Variants in TAMM41 observed in about 807,000 individuals in gnomAD.
The protein encoded by TAMM41 is phosphatidate cytidylyltransferase, mitochondrial.
Under a neutral mutation model 44.1 loss-of-function variants are expected in TAMM41, and 36 were observed. The observed-to-expected ratio is 0.82, with a 90% CI of 0.63 to 1.08. The LOEUF (loss-of-function observed/expected upper bound fraction) is 1.08, where lower values mean the gene tolerates loss of function less well. TAMM41 is among the 50% of genes least tolerant of loss of function. The pLI is 0.00. For missense variants in TAMM41, 417 were observed against 404.3 expected, an observed-to-expected ratio of 1.03 and a Z score of -0.27; for synonymous variants, 164 against 153.1, an observed-to-expected ratio of 1.07 and a Z score of -0.53.
chr3:11,774,024 G>A, the TAMM41 span, among the ~76,000 whole-genome samples: 2 of 152,138 alleles, frequency 1.3e-5, no homozygotes, highest in African/African-American at 4.8e-5. Flanking sequence ...GGAAGGAGAG[G>A]TTGCAGTGAG....
chr3:11,759,029 G>A, the TAMM41 span, among the ~76,000 whole-genome samples: 1 of 151,970 alleles, frequency 6.6e-6, no homozygotes, highest in African/African-American at 2.4e-5. Context: ...ATTAATTATT[G>A]CTCTTAAATA....
At chr3:11,779,758 G>A in the TAMM41 span, among the ~76,000 whole-genome samples, 1 of 152,114 alleles carries the variant, frequency 6.6e-6, no homozygotes, top group Admixed American at 6.5e-5. Flanking sequence ...CTCCAGACCT[G>A]GGGAGCCAAC....
At chr3:11,734,046 G>A in the TAMM41 span, among the ~76,000 whole-genome samples, 1 of 152,250 alleles carries the variant, frequency 6.6e-6, no homozygotes, top group East Asian at 1.9e-4. Flanking sequence ...TATTCCATTG[G>A]TGAGAACCAG....
At chr3:11,733,671 A>G in the TAMM41 span, among the ~76,000 whole-genome samples, 1 of 150,490 alleles carries the variant, frequency 6.6e-6, no homozygotes, top group Non-Finnish European at 1.5e-5. Context: ...TTTTTTTCGT[A>G]TTTTTAGTAG....
intron 3 of TAMM41, among the ~76,000 whole-genome samples, chr3:11,831,713 T>C (rs1026810003): frequency 4.6e-5 from 7 of 152,228 alleles, no homozygotes; most frequent in African/African-American, 9.6e-5. Flanking sequence ...CTTCTTCTCT[T>C]CTAATTGTAA....
chr3:11,798,726 G>C lies in TAMM41; in HGVS notation c.938-8145C>G, dbSNP rs9865164. ...AACTTACTGTGAGGATGAGGAAAGA[G>C]AAACAGGCAAACCAGTCACTCGGTG... is the stretch of plus-strand genomic sequence containing the variant. On this transcript the variant is annotated intron_variant, in intron 7 of 7. Coordinates refer to ENST00000455809, the MANE Select transcript of TAMM41 (RefSeq NM_001284401.2). 4.8e-3 allele frequency among the ~76,000 whole-genome samples: 735 copies of C among 152,278 alleles called. 5 individuals carry two copies. Among genetic ancestry groups the C allele is most frequent in the African/African-American group, 0.017 (701 of 41,562 alleles).
chr3:11,777,828 T>C, the TAMM41 span, among the ~76,000 whole-genome samples: 1 of 152,038 alleles, frequency 6.6e-6, no homozygotes, highest in Non-Finnish European at 1.5e-5. Flanking sequence ...AGCGTTTTTA[T>C]TTATAGAGTT....
intron 2 of TAMM41, chr3:11,843,659 T>C (rs2079546346): frequency 6.1e-6 from 1 of 164,004 alleles, no homozygotes. Flanking sequence ...GAGGTTGCAG[T>C]GAGCTGCGAT....
chr3:11,723,516 G>A, the TAMM41 span, among the ~76,000 whole-genome samples: 1 of 151,316 alleles, frequency 6.6e-6, no homozygotes, highest in Non-Finnish European at 1.5e-5. Context: ...AGGAAGTTGA[G>A]GCTACAGTGA....
At chr3:11,765,763 G>A in the TAMM41 span, among the ~76,000 whole-genome samples, 1 of 149,722 alleles carries the variant, frequency 6.7e-6, no homozygotes, top group Admixed American at 6.7e-5. Context: ...GTGCAGTGGT[G>A]TGATCTCAGC....
At chr3:11,801,258 A>C (rs2077745495) in intron 7 of TAMM41, among the ~76,000 whole-genome samples, 1 of 152,236 alleles carries the variant, frequency 6.6e-6, no homozygotes, top group South Asian at 2.1e-4. Flanking sequence ...GGAACTTCAG[A>C]AATGATACAA....
the TAMM41 span, among the ~76,000 whole-genome samples, chr3:11,735,715 A>C: frequency 1.3e-5 from 2 of 152,184 alleles, no homozygotes; most frequent in East Asian, 3.8e-4. Context: ...TGGGAAGTCA[A>C]GGGTAGGATT....
intron 5 of TAMM41, among the ~76,000 whole-genome samples, chr3:11,810,362 A>T (rs1206952996): frequency 6.6e-6 from 1 of 152,214 alleles, no homozygotes; most frequent in Non-Finnish European, 1.5e-5. Context: ...GCTGAAGATA[A>T]ATATATAAAT....
downstream of TAMM41, among the ~76,000 whole-genome samples, chr3:11,785,604 G>C (rs1002484473): frequency 2.0e-5 from 3 of 151,956 alleles, no homozygotes; most frequent in African/African-American, 7.2e-5. Flanking sequence ...GATTACAGGT[G>C]TGAGCCACCG....
At chr3:11,812,254 T>A (rs548464984) in intron 5 of TAMM41, among the ~76,000 whole-genome samples, 1 of 151,980 alleles carries the variant, frequency 6.6e-6, no homozygotes, top group African/African-American at 2.4e-5. Context: ...AAAGAAAAAA[T>A]AAAACCATAT....
chr3:11,748,986 C>A, the TAMM41 span, among the ~76,000 whole-genome samples: 1 of 146,346 alleles, frequency 6.8e-6, no homozygotes, highest in Non-Finnish European at 1.5e-5. Context: ...CATCTTGGCT[C>A]ACTGCAACCT....
the TAMM41 span, among the ~76,000 whole-genome samples, chr3:11,761,521 T>C: frequency 6.6e-6 from 1 of 152,188 alleles, no homozygotes; most frequent in African/African-American, 2.4e-5. Flanking sequence ...GGCCCAAGTC[T>C]TGGTTTCTCT....
chr3:11,789,861 A>G (rs2077442764), downstream of TAMM41, among the ~76,000 whole-genome samples: 1 of 152,200 alleles, frequency 6.6e-6, no homozygotes, highest in South Asian at 2.1e-4. Context: ...CAGAGGGCAG[A>G]GAGATGGAGA....
chr3:11,829,989 G>A, intron 3 of TAMM41, 125 bp from the exon 4 acceptor site: 1 of 908,504 alleles, frequency 1.1e-6, no homozygotes, highest in Non-Finnish European at 1.7e-6. Context: ...TACTGGTTCA[G>A]GTGACACAAA....
Sources: gnomAD v4.1 joint callset for allele counts (sites outside exome capture counted in the v4.1 genomes callset) on GRCh38, gnomAD v4.1.1 for gene constraint, MANE v1.5 for transcripts, NCBI Gene and HGNC (gene_info 2026-07-23, HGNC 2026-07-21) for gene names.